VMA12: variants seen among roughly 807,000 people sequenced by gnomAD.
VMA12 encodes the protein vacuolar ATPase assembly protein VMA12.
the VMA12 span, chr17:28,360,394 A>G: frequency 1.2e-6 from 1 of 817,316 alleles, no homozygotes; most frequent in East Asian, 2.6e-5. Flanking sequence ...AAAGAGTCAA[A>G]ATGGTTCCAG....
the VMA12 span, chr17:28,359,650 A>C: frequency 3.4e-6 from 1 of 296,856 alleles, no homozygotes; most frequent in Non-Finnish European, 6.4e-6. Context: ...CATGCCTGTA[A>C]TCCTAGCACT....
the VMA12 span, chr17:28,359,275 C>A: frequency 6.2e-7 from 1 of 1,603,762 alleles, no homozygotes; most frequent in Non-Finnish European, 8.5e-7. Context: ...TTCTAACAAG[C>A]TGGGAATATC....
chr17:28,359,862 C>T, the VMA12 span, among the ~76,000 whole-genome samples: 15 of 152,204 alleles, frequency 9.9e-5, no homozygotes, highest in Non-Finnish European at 1.5e-4. Flanking sequence ...TGTGAGCCAA[C>T]ACTGCACCAT....
At chr17:28,359,454 G>C in the VMA12 span, 2 of 1,542,698 alleles carry the variant, frequency 1.3e-6, no homozygotes, top group Non-Finnish European at 1.8e-6. Context: ...TCAGAGTAGG[G>C]CCCTGCAGTG....
the VMA12 span, chr17:28,360,808 T>G: frequency 6.2e-7 from 1 of 1,614,080 alleles, no homozygotes; most frequent in Non-Finnish European, 8.5e-7. Context: ...TCGTCTGCAC[T>G]TACCTTGGAA....
At chr17:28,361,046 C>T in the VMA12 span, 1 of 1,098,178 alleles carries the variant, frequency 9.1e-7, no homozygotes, top group Non-Finnish European at 1.4e-6. Context: ...TTTTCTTCCC[C>T]TCCCCCAACT....
the VMA12 span, chr17:28,361,326 A>G: frequency 6.9e-7 from 1 of 1,442,042 alleles, no homozygotes; most frequent in African/African-American, 1.4e-5. Flanking sequence ...CGACTCAGTC[A>G]ACCCATCAGA....
At chr17:28,362,854 C>T in the VMA12 span, 1 of 152,162 alleles carries the variant, frequency 6.6e-6, no homozygotes, top group African/African-American at 2.4e-5. Flanking sequence ...ATGCCCTATC[C>T]TCCAGTTCTC....
At chr17:28,359,863 A>G in the VMA12 span, among the ~76,000 whole-genome samples, 3 of 152,170 alleles carry the variant, frequency 2.0e-5, no homozygotes, top group African/African-American at 7.2e-5. Flanking sequence ...GTGAGCCAAC[A>G]CTGCACCATT....
the VMA12 span, chr17:28,363,469 C>T: frequency 2.0e-5 from 3 of 152,078 alleles, no homozygotes; most frequent in African/African-American, 7.2e-5. Context: ...GCAAACGGCC[C>T]TCGTCCCCGT....
chr17:28,359,522 AC>A, the VMA12 span: 1 of 888,082 alleles, frequency 1.1e-6, no homozygotes, highest in Non-Finnish European at 1.7e-6. Context: ...CTGTTCAGGG[AC>A]CATAGGAAGT....
the VMA12 span, among the ~76,000 whole-genome samples, chr17:28,359,912 AAAAT>A: frequency 1.0e-3 from 153 of 152,010 alleles, no homozygotes; most frequent in African/African-American, 3.4e-3. Context: ...ACTCCATCTC[AAAAT>A]AAATAAATAA....
chr17:28,359,391 A>G, the VMA12 span: 4 of 1,613,984 alleles, frequency 2.5e-6, no homozygotes, highest in Non-Finnish European at 3.4e-6. Flanking sequence ...ATCACCCGCA[A>G]CGTCACTTGT....
chr17:28,357,962 T>G, the VMA12 span: 1 of 1,461,998 alleles, frequency 6.8e-7, no homozygotes, highest in Non-Finnish European at 9.4e-7. Flanking sequence ...ATCATTCCCC[T>G]TCTTCTACGG....
chr17:28,360,624 AC>A, the VMA12 span: 10 of 1,607,720 alleles, frequency 6.2e-6, no homozygotes, highest in African/African-American at 1.3e-4. Flanking sequence ...ATGGGTCATG[AC>A]ACTCAGGCTT....
At chr17:28,358,486 A>G in the VMA12 span, 3 of 472,848 alleles carry the variant, frequency 6.3e-6, no homozygotes, top group African/African-American at 4.0e-5. Flanking sequence ...GCCAGAAGTA[A>G]CATAGACCAG....
the VMA12 span, chr17:28,358,228 T>G: frequency 5.0e-6 from 2 of 402,556 alleles, no homozygotes; most frequent in South Asian, 2.0e-5. Context: ...ATAGTGAGCT[T>G]GTAGGAATCC....
chr17:28,362,156 T>C, the VMA12 span: 3 of 152,370 alleles, frequency 2.0e-5, no homozygotes. Context: ...TACACTCTTT[T>C]TGGTTCACTG....
At chr17:28,359,929 A>G in the VMA12 span, among the ~76,000 whole-genome samples, 2 of 152,044 alleles carry the variant, frequency 1.3e-5, no homozygotes, top group African/African-American at 4.8e-5. Context: ...ATAAATAAAT[A>G]AATAAATAAG....
Sources: gnomAD v4.1 joint callset for allele counts (sites outside exome capture counted in the v4.1 genomes callset) on GRCh38, gnomAD v4.1.1 for gene constraint, MANE v1.5 for transcripts, NCBI Gene and HGNC (gene_info 2026-07-23, HGNC 2026-07-21) for gene names.